Variants in NIPAL2 observed in about 807,000 individuals in gnomAD.
NIPAL2 encodes the protein NIPA-like protein 2.
NIPAL2 carries 43 observed loss-of-function variants against 48.9 expected under a neutral mutation model. That is an observed-to-expected ratio of 0.88 (90% CI 0.69 to 1.13). The LOEUF (loss-of-function observed/expected upper bound fraction) is 1.13, where lower values mean the gene tolerates loss of function less well. Among genes scored for constraint, NIPAL2 ranks in the 50% most tolerant of loss-of-function variants. NIPAL2 has a pLI of 0.00. For missense variants in NIPAL2, 446 were observed against 461.4 expected (o/e 0.97, Z 0.31); for synonymous variants, 167 against 174.6 (o/e 0.96, Z 0.34).
intron 5 of NIPAL2, among the ~76,000 whole-genome samples, chr8:98,220,398 G>A (rs1811795425): frequency 6.6e-6 from 1 of 150,698 alleles, no homozygotes; most frequent in Admixed American, 6.7e-5. Flanking sequence ...GTATAATTCT[G>A]TGTGCTTTGA....
At chr8:98,250,103 G>GTC (rs372232074) in intron 3 of NIPAL2, among the ~76,000 whole-genome samples, 68 of 150,650 alleles carry the variant, frequency 4.5e-4, no homozygotes, top group African/African-American at 1.4e-3. Context: ...GATTTTAATA[G>GTC]TCTCTCTCTC....
intron 8 of NIPAL2, among the ~76,000 whole-genome samples, chr8:98,202,355 T>C (rs1383628099): frequency 2.6e-5 from 4 of 152,210 alleles, no homozygotes; most frequent in African/African-American, 9.7e-5. Flanking sequence ...ACCTTTCAGT[T>C]GCTTTGATGA....
At chr8:98,193,596 A>G (rs1332385754) in intron 10 of NIPAL2, among the ~76,000 whole-genome samples, 2 of 152,156 alleles carry the variant, frequency 1.3e-5, no homozygotes, top group African/African-American at 4.8e-5. Flanking sequence ...AGGCAGGCGA[A>G]TCATTTGAGG....
At chr8:98,259,086 T>TTTG (rs1814115293) in intron 1 of NIPAL2, among the ~76,000 whole-genome samples, 1 of 132,952 alleles carries the variant, frequency 7.5e-6, no homozygotes, top group Non-Finnish European at 1.6e-5. Flanking sequence ...TTTTTTTTTT[T>TTTG]TTTTTTTTGA....
chr8:98,274,250 C>CATCT (rs561140286), intron 1 of NIPAL2, among the ~76,000 whole-genome samples: 154 of 151,796 alleles, frequency 1.0e-3, no homozygotes, highest in African/African-American at 2.5e-3. Flanking sequence ...CATATTCTAT[C>CATCT]ATCTATCTAT....
At chr8:98,261,646 G>A (rs1228458351) in intron 1 of NIPAL2, among the ~76,000 whole-genome samples, 1 of 122,486 alleles carries the variant, frequency 8.2e-6, no homozygotes, top group Admixed American at 8.8e-5. Flanking sequence ...CCAAATCTAC[G>A]TCTGATTGGT....
intron 1 of NIPAL2, among the ~76,000 whole-genome samples, chr8:98,280,399 G>C (rs998476053): frequency 6.6e-6 from 1 of 152,118 alleles, no homozygotes; most frequent in African/African-American, 2.4e-5. Context: ...AATAAAACAT[G>C]CATGAACTGG....
chr8:98,211,942 AAAC>A (rs1486504855), intron 6 of NIPAL2, among the ~76,000 whole-genome samples: 1 of 152,200 alleles, frequency 6.6e-6, no homozygotes, highest in East Asian at 1.9e-4. Context: ...ATGGGTTGGT[AAAC>A]AATGAATGAA....
At chr8:98,258,806 T>C (rs1259961506) in intron 1 of NIPAL2, among the ~76,000 whole-genome samples, 2 of 152,110 alleles carry the variant, frequency 1.3e-5, no homozygotes, top group Non-Finnish European at 2.9e-5. Context: ...AAATTTGTTC[T>C]GACCACAAGG....
At position 98,293,985 on chromosome 8, in the gene NIPAL2, C is replaced by T; in HGVS notation, c.135+18G>A. 1 of 1,445,654 alleles carries T rather than the reference C, an allele frequency of 6.9e-7. No homozygotes were observed. Among genetic ancestry groups the T allele is most frequent in the Non-Finnish European group, 9.1e-7 (1 of 1,096,672 alleles). The allele number at this position is 1,445,654 out of a possible 1,614,324, so 89.6% of individuals were successfully genotyped here. ...CCGCGTCCCCACCGGGCTGCGGTGG[C>T]TGCGGGGCGGCCCTTACCTGGTTCC... On this transcript the variant is annotated intron_variant, in intron 1 of 10. Transcript: ENST00000430223.
intron 1 of NIPAL2, among the ~76,000 whole-genome samples, chr8:98,291,746 A>T (rs938611388): frequency 6.6e-6 from 1 of 152,180 alleles, no homozygotes; most frequent in East Asian, 1.9e-4. Context: ...CTATACTTCT[A>T]TAGGCCAGGC....
chr8:98,263,010 A>G (rs1371135805), intron 1 of NIPAL2, among the ~76,000 whole-genome samples: 1 of 149,368 alleles, frequency 6.7e-6, no homozygotes, highest in Non-Finnish European at 1.5e-5. Context: ...AAACTGAACA[A>G]CCTGCTCCTG....
At chr8:98,256,562 A>G (rs994582104) in intron 1 of NIPAL2, among the ~76,000 whole-genome samples, 1 of 152,166 alleles carries the variant, frequency 6.6e-6, no homozygotes, top group African/African-American at 2.4e-5. Flanking sequence ...CAGCATCACT[A>G]ATCATTAGGA....
intron 1 of NIPAL2, among the ~76,000 whole-genome samples, chr8:98,255,978 T>A (rs1405467873): frequency 6.6e-6 from 1 of 152,112 alleles, no homozygotes; most frequent in Non-Finnish European, 1.5e-5. Flanking sequence ...GCATAGGCAT[T>A]GAAAAAAATA....
At chr8:98,209,445 CAA>C (rs33923448) in intron 6 of NIPAL2, among the ~76,000 whole-genome samples, 1,151 of 70,488 alleles carry the variant, frequency 0.016, 5 homozygotes, top group Non-Finnish European at 0.022. Flanking sequence ...CCTGTCTCTC[CAA>C]AAAAAAAAAA....
At chr8:98,233,271 A>T (rs1176418135) in intron 4 of NIPAL2, among the ~76,000 whole-genome samples, 1 of 152,048 alleles carries the variant, frequency 6.6e-6, no homozygotes, top group Non-Finnish European at 1.5e-5. Flanking sequence ...AGAAAAAAAA[A>T]AGGTGAGGAA....
chr8:98,272,531 T>C (rs967018928), intron 1 of NIPAL2, among the ~76,000 whole-genome samples: 1 of 152,192 alleles, frequency 6.6e-6, no homozygotes, highest in Non-Finnish European at 1.5e-5. Context: ...TACTGGTTAA[T>C]GTAGTGTATT....
chr8:98,200,296 A>G (rs1442175021), intron 8 of NIPAL2, among the ~76,000 whole-genome samples: 1 of 152,070 alleles, frequency 6.6e-6, no homozygotes, highest in African/African-American at 2.4e-5. Context: ...TATACAACTC[A>G]TTTCCTCCTC....
intron 3 of NIPAL2, among the ~76,000 whole-genome samples, chr8:98,239,032 T>C (rs1003861950): frequency 6.6e-6 from 1 of 152,072 alleles, no homozygotes; most frequent in Non-Finnish European, 1.5e-5. Flanking sequence ...CGATTAGCAA[T>C]AAAAAATAGG....
Sources: allele counts gnomAD v4.1 joint callset (sites outside exome capture counted in the v4.1 genomes callset), GRCh38; gene constraint gnomAD v4.1.1; transcripts MANE v1.5; gene names NCBI Gene and HGNC (gene_info 2026-07-23, HGNC 2026-07-21).